Variants in FBXL17 observed in about 807,000 individuals in gnomAD.
The protein encoded by FBXL17 is F-box/LRR-repeat protein 17.
Under a neutral mutation model 66.2 loss-of-function variants are expected in FBXL17, and 22 were observed. That is an observed-to-expected ratio of 0.33 (90% CI 0.24 to 0.47). FBXL17 has a LOEUF of 0.47. FBXL17 is among the 20% of genes least tolerant of loss of function. The pLI, the probability that FBXL17 is intolerant of heterozygous loss-of-function variation, is 1.00. For synonymous variants in FBXL17, 474 were observed against 400.5 expected, an observed-to-expected ratio of 1.18 and a Z score of -2.19; for missense variants, 878 against 948.2, an observed-to-expected ratio of 0.93 and a Z score of 0.97.
chr5:108,323,380 A>C (rs1759706754), intron 4 of FBXL17, among the ~76,000 whole-genome samples: 1 of 151,990 alleles, frequency 6.6e-6, no homozygotes, highest in African/African-American at 2.4e-5. Context: ...TAAAATTCTT[A>C]GGAATAAACT....
At chr5:108,072,571 G>A (rs1416552793) in intron 6 of FBXL17, among the ~76,000 whole-genome samples, 1 of 152,166 alleles carries the variant, frequency 6.6e-6, no homozygotes, top group African/African-American at 2.4e-5. Flanking sequence ...AGCCGGGCGT[G>A]GTGGCGGGTG....
intron 4 of FBXL17, among the ~76,000 whole-genome samples, chr5:108,261,934 A>C (rs1756838238): frequency 6.6e-6 from 1 of 152,062 alleles, no homozygotes; most frequent in Non-Finnish European, 1.5e-5. Flanking sequence ...AAACATATTA[A>C]TAAATATTTA....
At chr5:108,058,891 A>G (rs1411892631) in intron 6 of FBXL17, among the ~76,000 whole-genome samples, 1 of 152,160 alleles carries the variant, frequency 6.6e-6, no homozygotes, top group Non-Finnish European at 1.5e-5. Flanking sequence ...ATATTTGATG[A>G]TTGTTTAGCT....
At chr5:108,051,099 C>T (rs1214462901) in intron 6 of FBXL17, among the ~76,000 whole-genome samples, 2 of 152,162 alleles carry the variant, frequency 1.3e-5, no homozygotes, top group East Asian at 1.9e-4. Flanking sequence ...GATTAATAGC[C>T]TACCAACCAA....
intron 6 of FBXL17, among the ~76,000 whole-genome samples, chr5:108,046,635 T>C (rs1747264203): frequency 6.6e-6 from 1 of 152,188 alleles, no homozygotes; most frequent in South Asian, 2.1e-4. Flanking sequence ...GGTATTATCT[T>C]ATATATCTAT....
At chr5:108,040,708 T>C (rs180910924) in intron 6 of FBXL17, among the ~76,000 whole-genome samples, 135 of 152,318 alleles carry the variant, frequency 8.9e-4, no homozygotes, top group African/African-American at 3.1e-3. Flanking sequence ...TTAATATCTT[T>C]ATCCTTTTCA....
rs887701193 is a variant in FBXL17, at chr5:108,104,409, T to G, written c.1745+81708A>C. ...TTTTCATTAGAAAGATTACCTATAG[T>G]GAAAATAAAGAAGTCAATCCTCTAA... is the stretch of plus-strand genomic sequence containing the variant. On this transcript the variant is annotated intron_variant, in intron 6 of 8. Coordinates refer to ENST00000542267, the MANE Select transcript of FBXL17 (RefSeq NM_001163315.3). 2.6e-5 allele frequency among the ~76,000 whole-genome samples: 4 copies of G among 152,218 alleles called. No individual in the cohort carries two copies. In the East Asian group the frequency reaches 7.7e-4, roughly 29 times the overall value.
intron 4 of FBXL17, among the ~76,000 whole-genome samples, chr5:108,305,795 A>G (rs1758808973): frequency 6.6e-6 from 1 of 152,136 alleles, no homozygotes; most frequent in South Asian, 2.1e-4. Flanking sequence ...TAGTCCTTTG[A>G]AACTGTTTTG....
At chr5:107,927,319 T>C (rs1750557263) in intron 7 of FBXL17, among the ~76,000 whole-genome samples, 1 of 152,144 alleles carries the variant, frequency 6.6e-6, no homozygotes, top group Non-Finnish European at 1.5e-5. Context: ...TGCAATGGTG[T>C]AGGCAATTAA....
intron 6 of FBXL17, among the ~76,000 whole-genome samples, chr5:108,041,065 C>T (rs1747027409): frequency 6.6e-6 from 1 of 152,096 alleles, no homozygotes; most frequent in African/African-American, 2.4e-5. Flanking sequence ...GAGATAATGA[C>T]TTCATGGGAT....
At chr5:108,154,616 T>TACACACAC (rs768615062) in intron 6 of FBXL17, among the ~76,000 whole-genome samples, 19 of 96,298 alleles carry the variant, frequency 2.0e-4, no homozygotes, top group African/African-American at 3.9e-4. Context: ...AATATATATA[T>TACACACAC]ACACACACAC....
At chr5:108,327,828 G>A (rs80124395) in intron 4 of FBXL17, among the ~76,000 whole-genome samples, 3 of 152,046 alleles carry the variant, frequency 2.0e-5, no homozygotes, top group East Asian at 1.9e-4. Context: ...GAAGAAAAAC[G>A]GCAGTTGGGA....
intron 3 of FBXL17, among the ~76,000 whole-genome samples, chr5:108,352,940 T>C (rs988751263): frequency 3.9e-5 from 6 of 152,156 alleles, no homozygotes; most frequent in Admixed American, 6.5e-5. Flanking sequence ...AAAAAGATGG[T>C]ACCTTGGGAG....
At chr5:107,928,741 C>T (rs181647604) in intron 7 of FBXL17, among the ~76,000 whole-genome samples, 105 of 152,224 alleles carry the variant, frequency 6.9e-4, no homozygotes, top group African/African-American at 2.3e-3. Context: ...GCATGTATCC[C>T]TAATCTTTTG....
chr5:108,234,984 AG>A (rs569534129), intron 4 of FBXL17, among the ~76,000 whole-genome samples: 1 of 152,228 alleles, frequency 6.6e-6, no homozygotes, highest in South Asian at 2.1e-4. Context: ...CTTGGACTAT[AG>A]GAAGACAGAT....
chr5:108,053,588 G>A (rs982769027), intron 6 of FBXL17, among the ~76,000 whole-genome samples: 2 of 152,116 alleles, frequency 1.3e-5, no homozygotes, highest in African/African-American at 4.8e-5. Flanking sequence ...AGTCAGAATG[G>A]CAATTATTAA....
chr5:108,348,682 C>A, intron 3 of FBXL17, 152 bp from the exon 4 acceptor site: 1 of 815,032 alleles, frequency 1.2e-6, no homozygotes, highest in Non-Finnish European at 1.9e-6. Flanking sequence ...CAATCCATAA[C>A]TTAAAACAGT....
At chr5:108,207,784 C>T (rs1057491562) in intron 5 of FBXL17, among the ~76,000 whole-genome samples, 5 of 152,116 alleles carry the variant, frequency 3.3e-5, no homozygotes, top group South Asian at 2.1e-4. Flanking sequence ...AATAAACATA[C>T]GTGTGCATGT....
chr5:107,984,321 T>C (rs1416281464), intron 7 of FBXL17, among the ~76,000 whole-genome samples: 1 of 152,208 alleles, frequency 6.6e-6, no homozygotes, highest in Non-Finnish European at 1.5e-5. Flanking sequence ...ATTTGTAACA[T>C]AAATTGTACT....
Sources: gnomAD v4.1 joint callset for allele counts (sites outside exome capture counted in the v4.1 genomes callset) on GRCh38, gnomAD v4.1.1 for gene constraint, MANE v1.5 for transcripts, NCBI Gene and HGNC (gene_info 2026-07-23, HGNC 2026-07-21) for gene names.